The following AGBL4 variants were observed in gnomAD, a reference collection of about 807,000 sequenced individuals.
AGBL4 encodes AGBL carboxypeptidase 4.
In AGBL4, 58 loss-of-function variants were observed where a neutral mutation model predicts 66.4. That is an observed-to-expected ratio of 0.87 (90% CI 0.71 to 1.09). The LOEUF (loss-of-function observed/expected upper bound fraction) is 1.09, where lower values mean the gene tolerates loss of function less well. AGBL4 is among the 50% of genes least tolerant of loss of function. The pLI, the probability that AGBL4 is intolerant of heterozygous loss-of-function variation, is 0.00. For missense variants in AGBL4, 579 were observed against 631.0 expected (o/e 0.92, Z 0.88); for synonymous variants, 234 against 222.9 (o/e 1.05, Z -0.44).
At chr1:48,558,453 A>T (rs1271894785) in intron 11 of AGBL4, among the ~76,000 whole-genome samples, 1 of 152,196 alleles carries the variant, frequency 6.6e-6, no homozygotes, top group Admixed American at 6.5e-5. Context: ...AGCTGACTCC[A>T]CTCAGACTGT....
At chr1:49,813,949 T>A (rs530706833) in intron 2 of AGBL4, among the ~76,000 whole-genome samples, 1 of 152,116 alleles carries the variant, frequency 6.6e-6, no homozygotes, top group Non-Finnish European at 1.5e-5. Flanking sequence ...ATTCTCATGA[T>A]AGTGAATATG....
At chr1:48,902,445 A>G (rs1652176554) in intron 5 of AGBL4, among the ~76,000 whole-genome samples, 1 of 152,172 alleles carries the variant, frequency 6.6e-6, no homozygotes, top group Non-Finnish European at 1.5e-5. Context: ...GAAGAAAAGC[A>G]GTGGAGATGC....
intron 6 of AGBL4, among the ~76,000 whole-genome samples, chr1:48,826,872 C>T (rs1043622323): frequency 6.6e-6 from 1 of 152,150 alleles, no homozygotes. Context: ...CATTGCATCA[C>T]TTCACACTCT....
intron 1 of AGBL4, among the ~76,000 whole-genome samples, chr1:49,937,152 A>G (rs530389462): frequency 6.6e-6 from 1 of 152,302 alleles, no homozygotes; most frequent in Non-Finnish European, 1.5e-5. Context: ...AAGATCTACC[A>G]AGCAAATGGA....
At chr1:49,491,088 G>A (rs1414220202) in intron 3 of AGBL4, among the ~76,000 whole-genome samples, 2 of 151,760 alleles carry the variant, frequency 1.3e-5, no homozygotes, top group African/African-American at 4.8e-5. Flanking sequence ...GAAGCTCAGT[G>A]ATAGTTGAAT....
chr1:49,362,846 T>C (rs1557870881), intron 3 of AGBL4, among the ~76,000 whole-genome samples: 1 of 152,170 alleles, frequency 6.6e-6, no homozygotes, highest in Non-Finnish European at 1.5e-5. Context: ...TTAAGTGAAA[T>C]TCTGAGACAA....
At chr1:49,036,786 TC>T (rs1664701126) in intron 5 of AGBL4, among the ~76,000 whole-genome samples, 2 of 151,022 alleles carry the variant, frequency 1.3e-5, no homozygotes, top group South Asian at 4.2e-4. Flanking sequence ...GGTCTTGAAC[TC>T]TTGGCCTCAA....
intron 3 of AGBL4, among the ~76,000 whole-genome samples, chr1:49,613,827 T>TC (rs1645200727): frequency 6.6e-6 from 1 of 151,848 alleles, no homozygotes; most frequent in African/African-American, 2.4e-5. Flanking sequence ...CCCAAAACCA[T>TC]CCCCCCATCC....
At chr1:49,238,088 G>A (rs1203276032) in intron 4 of AGBL4, among the ~76,000 whole-genome samples, 1 of 151,802 alleles carries the variant, frequency 6.6e-6, no homozygotes. Flanking sequence ...TATTGATAAG[G>A]TATCATTTTT....
At chr1:49,925,319 G>T (rs980899927) in intron 1 of AGBL4, among the ~76,000 whole-genome samples, 1 of 152,090 alleles carries the variant, frequency 6.6e-6, no homozygotes, top group Non-Finnish European at 1.5e-5. Flanking sequence ...TAAAGGAAAG[G>T]ACCTGGTCCT....
Position 48,595,987 on chromosome 1 carries a change from G to T in AGBL4, c.952-5002C>A, listed in dbSNP as rs550420475. On this transcript the variant is annotated intron_variant, in intron 9 of 13. Coordinates refer to ENST00000371839, the MANE Select transcript of AGBL4 (RefSeq NM_032785.4). ...CCATGGGGAAGAAACTGAAGCTTAG[G>T]CAGGAATAACCGCAAGTTGAGCAGG... 5.3e-5 allele frequency among the ~76,000 whole-genome samples: 8 copies of T among 152,346 alleles called. No individual in the cohort carries two copies. The South Asian group carries it at 1.7e-3, about 32-fold the overall frequency.
chr1:49,524,734 A>G (rs565712315), intron 3 of AGBL4, among the ~76,000 whole-genome samples: 2 of 152,128 alleles, frequency 1.3e-5, no homozygotes, highest in Non-Finnish European at 2.9e-5. Flanking sequence ...CTTCCCAAGA[A>G]GCTTTTCTTG....
chr1:49,743,515 A>G (rs1450513065), intron 2 of AGBL4, among the ~76,000 whole-genome samples: 1 of 152,202 alleles, frequency 6.6e-6, no homozygotes, highest in East Asian at 1.9e-4. Context: ...GGGATCTAGA[A>G]CTAGAAATAC....
intron 1 of AGBL4, among the ~76,000 whole-genome samples, chr1:49,918,623 C>G (rs1225872158): frequency 1.3e-5 from 2 of 152,128 alleles, no homozygotes; most frequent in Admixed American, 1.3e-4. Flanking sequence ...AAGTCCAGGA[C>G]CAGATGGATT....
At chr1:48,983,168 T>C (rs1033418665) in intron 5 of AGBL4, among the ~76,000 whole-genome samples, 3 of 152,132 alleles carry the variant, frequency 2.0e-5, no homozygotes, top group African/African-American at 7.2e-5. Context: ...TCTTCCTTCA[T>C]ATTCATATGA....
At chr1:48,660,340 C>T (rs539819974) in intron 7 of AGBL4, among the ~76,000 whole-genome samples, 15 of 152,352 alleles carry the variant, frequency 9.8e-5, no homozygotes, top group African/African-American at 3.1e-4. Context: ...TGGGCACAAC[C>T]GGCTTCACAT....
At chr1:49,637,919 G>A (rs1319067018) in intron 3 of AGBL4, among the ~76,000 whole-genome samples, 4 of 151,836 alleles carry the variant, frequency 2.6e-5, no homozygotes, top group African/African-American at 9.7e-5. Flanking sequence ...AGAAATAATG[G>A]CCAATAAGCA....
chr1:48,759,109 G>A, intron 6 of AGBL4: 2 of 1,612,108 alleles, frequency 1.2e-6, no homozygotes, highest in Non-Finnish European at 1.7e-6. Context: ...CAGAGCCCGG[G>A]GCACCACAGC....
intron 1 of AGBL4, among the ~76,000 whole-genome samples, chr1:49,880,741 G>A (rs1461320926): frequency 4.6e-5 from 7 of 152,110 alleles, no homozygotes; most frequent in Non-Finnish European, 2.9e-5. Context: ...GGGCAATGGC[G>A]GGCGCCCCTC....
Sources: allele counts gnomAD v4.1 joint callset (sites outside exome capture counted in the v4.1 genomes callset), GRCh38; gene constraint gnomAD v4.1.1; transcripts MANE v1.5; gene names NCBI Gene and HGNC (gene_info 2026-07-23, HGNC 2026-07-21).